ZFPM1: variants seen among roughly 807,000 people sequenced by gnomAD.
The protein encoded by ZFPM1 is zinc finger protein, FOG family member 1.
In ZFPM1, 28 loss-of-function variants were observed where a neutral mutation model predicts 46.3. The ratio of observed to expected loss-of-function variants is 0.60; its 90% confidence interval spans 0.45 to 0.83. The LOEUF (loss-of-function observed/expected upper bound fraction) is 0.83, where lower values mean the gene tolerates loss of function less well. Among genes scored for constraint, ZFPM1 ranks in the 40% least tolerant of loss-of-function variants. ZFPM1 has a pLI of 0.00. For missense variants in ZFPM1, 1,878 were observed against 1,432.4 expected (o/e 1.31, Z -5.02); for synonymous variants, 957 against 675.9 (o/e 1.42, Z -6.45).
At chr16:88,489,530 TG>T (rs1217108332) in intron 3 of ZFPM1, among the ~76,000 whole-genome samples, 1 of 152,180 alleles carries the variant, frequency 6.6e-6, no homozygotes, top group African/African-American at 2.4e-5. Context: ...CCTTCCCAGC[TG>T]GGCCGGGATT....
intron 3 of ZFPM1, among the ~76,000 whole-genome samples, chr16:88,496,715 G>A (rs1909950980): frequency 1.3e-5 from 2 of 152,120 alleles, no homozygotes; most frequent in African/African-American, 4.8e-5. Context: ...CACACTGCTG[G>A]GCATCAGAGC....
chr16:88,534,643 G>T lies in ZFPM1; in HGVS notation c.2685G>T (p.Pro895=). 1 of 1,031,116 alleles carries T rather than the reference G, an allele frequency of 9.7e-7. No homozygotes were observed. Among genetic ancestry groups the T allele is most frequent in the Non-Finnish European group, 1.2e-6 (1 of 862,604 alleles). The allele number at this position is 1,031,116 out of a possible 1,614,324, so 63.9% of individuals were successfully genotyped here. The change falls in exon 10 of 10, where the codon CCG becomes CCT. Residue 895 remains proline, a synonymous_variant. Coordinates refer to ENST00000319555, the MANE Select transcript of ZFPM1 (RefSeq NM_153813.3). The part of the protein sequence containing the change: ...LAGPGVEART[P]ADRGPSPAPA... Reference sequence around the variant, plus strand: ...GCCCGGGGGTCGAGGCCCGGACGCCGGCCGACCGCGGCCCCTCGCCCGCTC... The same window carrying T: ...GCCCGGGGGTCGAGGCCCGGACGCCTGCCGACCGCGGCCCCTCGCCCGCTC...
At chr16:88,467,218 C>T (rs1908175602) in intron 1 of ZFPM1, among the ~76,000 whole-genome samples, 1 of 152,142 alleles carries the variant, frequency 6.6e-6, no homozygotes, top group Non-Finnish European at 1.5e-5. Context: ...TTGTCAGTCC[C>T]CCATAGTTGC....
intron 3 of ZFPM1, among the ~76,000 whole-genome samples, chr16:88,496,743 G>A (rs1466616526): frequency 6.6e-6 from 1 of 152,154 alleles, no homozygotes; most frequent in Non-Finnish European, 1.5e-5. Context: ...CACTGGTCAT[G>A]TACACGGGGC....
Position 88,532,831 on chromosome 16 carries a change from T to C in ZFPM1, c.1085T>C (p.Ile362Thr). ...GGCTTCATCTCCACCACAAGGGACA[T>C]CCTCTACAGCCACTTGGTCACCAAC... is the stretch of plus-strand genomic sequence containing the variant. ...SCGFISTTRDILYSHLVTNHM... is the reference protein window; with the variant it reads ...SCGFISTTRDTLYSHLVTNHM... The change falls in exon 9 of 10, where the codon ATC becomes ACC. Residue 362 changes from isoleucine (I) to threonine (T), a missense_variant. Coordinates refer to ENST00000319555, the MANE Select transcript of ZFPM1 (RefSeq NM_153813.3). 3 of 1,613,354 alleles carry C rather than the reference T, an allele frequency of 1.9e-6. No homozygotes were observed. The highest frequency in any genetic ancestry group is 2.5e-6 in the Non-Finnish European group (3 of 1,179,964).
intron 1 of ZFPM1, among the ~76,000 whole-genome samples, chr16:88,463,901 C>T (rs1224871615): frequency 6.6e-6 from 1 of 152,192 alleles, no homozygotes; most frequent in Non-Finnish European, 1.5e-5. Flanking sequence ...GTGGCCACTG[C>T]AGGGCCTTAG....
chr16:88,518,431 G>C (rs1001137491), intron 4 of ZFPM1, among the ~76,000 whole-genome samples: 18 of 143,890 alleles, frequency 1.3e-4, no homozygotes, highest in Admixed American at 1.1e-3. Flanking sequence ...TGGGTGGATG[G>C]GTGGATGCAT....
intron 1 of ZFPM1, among the ~76,000 whole-genome samples, chr16:88,474,611 G>T (rs1341553635): frequency 6.6e-6 from 1 of 152,172 alleles, no homozygotes; most frequent in African/African-American, 2.4e-5. Context: ...AGCGCTCTCT[G>T]CCCGGAGCTC....
At chr16:88,531,365 A>G (rs750760811) in intron 6 of ZFPM1, among the ~76,000 whole-genome samples, 3 of 152,208 alleles carry the variant, frequency 2.0e-5, no homozygotes, top group Non-Finnish European at 4.4e-5. Flanking sequence ...CTCAACAGTT[A>G]TAAGCAGCCC....
At chr16:88,521,407 G>A (rs1911874255) in intron 4 of ZFPM1, among the ~76,000 whole-genome samples, 1 of 151,974 alleles carries the variant, frequency 6.6e-6, no homozygotes, top group Admixed American at 6.6e-5. Context: ...CAGACCCTGT[G>A]GTGCCTCCAG....
chr16:88,457,787 G>T (rs1198931894), intron 1 of ZFPM1, among the ~76,000 whole-genome samples: 1 of 152,104 alleles, frequency 6.6e-6, no homozygotes, highest in Non-Finnish European at 1.5e-5. Flanking sequence ...CACCGCACCT[G>T]CCCTCAAGCC....
intron 1 of ZFPM1, 40 bp downstream of exon 1, chr16:88,453,718 A>AC: frequency 8.7e-7 from 1 of 1,145,256 alleles, no homozygotes; most frequent in Non-Finnish European, 1.1e-6. Context: ...CGCGCGCCCG[A>AC]CCCCCGCCGG....
At chr16:88,506,542 C>T (rs994469143) in intron 3 of ZFPM1, among the ~76,000 whole-genome samples, 9 of 152,254 alleles carry the variant, frequency 5.9e-5, no homozygotes, top group East Asian at 3.9e-4. Context: ...AGTGTGCGTC[C>T]GCAGAGTGGT....
chr16:88,465,859 G>A (rs769721911), intron 1 of ZFPM1, among the ~76,000 whole-genome samples: 3 of 152,220 alleles, frequency 2.0e-5, no homozygotes, highest in Non-Finnish European at 4.4e-5. Flanking sequence ...ATTAGAGCCC[G>A]GCGTGCGGCT....
At chr16:88,515,000 C>T (rs921230279) in intron 4 of ZFPM1, among the ~76,000 whole-genome samples, 4 of 152,210 alleles carry the variant, frequency 2.6e-5, no homozygotes, top group Non-Finnish European at 2.9e-5. Flanking sequence ...TGGTGACAGC[C>T]CCTGCCTGGC....
At chr16:88,503,659 G>A (rs1245469784) in intron 3 of ZFPM1, among the ~76,000 whole-genome samples, 1 of 152,208 alleles carries the variant, frequency 6.6e-6, no homozygotes. Flanking sequence ...TGCCATGGCA[G>A]CACCCTCTGT....
rs748637098 is a variant in ZFPM1, at chr16:88,533,669, C to T, written c.1711C>T (p.Pro571Ser). 4 of 1,486,908 alleles carry T rather than the reference C, an allele frequency of 2.7e-6. No individual in the cohort carries two copies. Among genetic ancestry groups the T allele is most frequent in the Non-Finnish European group, 3.6e-6 (4 of 1,114,002 alleles). The allele number at this position is 1,486,908 out of a possible 1,614,324, so 92.1% of individuals were successfully genotyped here. Residue 571 changes from proline (P) to serine (S), a missense_variant, in exon 10 of 10, where the codon CCC becomes TCC. Transcript: ENST00000319555. The part of the protein sequence containing the change: ...GAGGAQTGLF[P>S]GAPKGATCFE... The stretch of plus-strand genomic sequence containing the variant: ...CGGCGGCGCGCAGACCGGGCTCTTC[C>T]CCGGGGCCCCCAAGGGCGCTACGTG...
intron 1 of ZFPM1, among the ~76,000 whole-genome samples, chr16:88,456,359 A>G (rs573367289): frequency 2.0e-5 from 3 of 152,082 alleles, no homozygotes; most frequent in East Asian, 1.9e-4. Flanking sequence ...GGTAGTTCCT[A>G]GCAAGAACCA....
Position 88,461,239 on chromosome 16 carries a change from G to GCGGGAGGCC in ZFPM1, c.40+7561_40+7562insCGGGAGGCC, listed in dbSNP as rs1567525932. On this transcript the variant is annotated intron_variant, in intron 1 of 9. Transcript: ENST00000319555. ...CGGGAGGCCTGGTGAGGACCCAGGG[G>GCGGGAGGCC]TGGGGCGGGAGGCCCTGGTGAGGAC... 2.2e-3 allele frequency among the ~76,000 whole-genome samples: 140 copies of GCGGGAGGCC among 64,476 alleles called. 7 individuals are homozygous for GCGGGAGGCC. Among genetic ancestry groups the GCGGGAGGCC allele is most frequent in the East Asian group, 3.9e-3 (6 of 1,540 alleles). The allele number at this position is 64,476 out of a possible 152,430, so 42.3% of individuals were successfully genotyped here. A position where few individuals can be genotyped will look rare whatever the true frequency, so the allele number is the denominator to read the frequency against.
Sources: allele counts gnomAD v4.1 joint callset (sites outside exome capture counted in the v4.1 genomes callset), GRCh38; gene constraint gnomAD v4.1.1; transcripts MANE v1.5; gene names NCBI Gene and HGNC (gene_info 2026-07-23, HGNC 2026-07-21).